NAV1: variants seen among roughly 807,000 people sequenced by gnomAD.
NAV1 encodes the protein pore membrane and/or filament interacting like protein 3.
Under a neutral mutation model 175.2 loss-of-function variants are expected in NAV1, and 18 were observed. The ratio of observed to expected loss-of-function variants is 0.10; its 90% confidence interval spans 0.07 to 0.15. NAV1 has a LOEUF of 0.15. Among genes scored for constraint, NAV1 ranks in the 10% least tolerant of loss-of-function variants. The probability of loss-of-function intolerance (pLI) is 1.00; values close to 1 mark genes in which losing one functional copy is unlikely to be tolerated. For synonymous variants in NAV1, 897 were observed against 978.7 expected (o/e 0.92, Z 1.56); for missense variants, 1,731 against 2,436.6 (o/e 0.71, Z 6.10).
At chr1:201,797,377 T>G (rs984009333) in intron 15 of NAV1, 1 of 152,242 alleles carries the variant, frequency 6.6e-6, no homozygotes, top group Non-Finnish European at 1.5e-5. Flanking sequence ...TCCATTCTTC[T>G]ATATGTCTAT....
chr1:201,741,141 A>G (rs890101338), intron 3 of NAV1, among the ~76,000 whole-genome samples: 7 of 152,156 alleles, frequency 4.6e-5, no homozygotes, highest in African/African-American at 1.7e-4. Flanking sequence ...CAGGGGCTCA[A>G]TTACAACTGT....
intron 15 of NAV1, chr1:201,797,334 T>C (rs1677519379): frequency 6.6e-6 from 1 of 152,260 alleles, no homozygotes; most frequent in Non-Finnish European, 1.5e-5. Context: ...TCCATTCTTC[T>C]ATATGAGTTT....
At chr1:201,615,855 T>C (rs941240683) in intron 2 of NAV1, among the ~76,000 whole-genome samples, 7 of 152,188 alleles carry the variant, frequency 4.6e-5, no homozygotes, top group Non-Finnish European at 8.8e-5. Flanking sequence ...GTGTGAAGCA[T>C]GGACAATGTT....
At chr1:201,819,948 T>C (rs1329823726) in exon 30 of NAV1, 4 of 1,612,708 alleles carry the variant, frequency 2.5e-6, no homozygotes, top group East Asian at 2.2e-5. Context: ...CGGCAATCAC[T>C]GTCACCCCCG....
At chr1:201,748,675 T>G (rs548560963) in intron 3 of NAV1, among the ~76,000 whole-genome samples, 1 of 152,324 alleles carries the variant, frequency 6.6e-6, no homozygotes, top group South Asian at 2.1e-4. Flanking sequence ...AAAAGCAGCT[T>G]TGATCCCCAG....
At chr1:201,592,047 T>G (rs1197996291) in intron 2 of NAV1, among the ~76,000 whole-genome samples, 1 of 152,176 alleles carries the variant, frequency 6.6e-6, no homozygotes, top group Non-Finnish European at 1.5e-5. Context: ...GAGGACAGTC[T>G]GCAGAGGTGT....
At chr1:201,602,253 G>A (rs997361846) in intron 2 of NAV1, among the ~76,000 whole-genome samples, 2 of 152,174 alleles carry the variant, frequency 1.3e-5, no homozygotes, top group Non-Finnish European at 2.9e-5. Flanking sequence ...CCCAGGGCAG[G>A]AGAAAAAGAA....
intron 1 of NAV1, among the ~76,000 whole-genome samples, chr1:201,670,580 T>TAGAGA (rs1247587117): frequency 1.0e-4 from 11 of 110,036 alleles, no homozygotes; most frequent in Non-Finnish European, 1.8e-4. Context: ...TGGTGATGGT[T>TAGAGA]TGATGATAGA....
chr1:201,810,389 C>T lies in NAV1; in HGVS notation c.4562-134C>T. ...TTTCAAAACTAGGGGTTAAGGGACT[C>T]TTATGGAACCATGGGGCAAGTGGCT... On this transcript the variant is annotated intron_variant, in intron 23 of 29. Transcript: ENST00000367296. The surrounding 1 kb of genome is among the most constrained non-coding windows in gnomAD (Gnocchi z 6.0). 1 of 894,780 alleles carries T rather than the reference C, an allele frequency of 1.1e-6. No homozygotes were observed. Among genetic ancestry groups the T allele is most frequent in the Non-Finnish European group, 1.7e-6 (1 of 591,836 alleles). 55.4% of individuals were successfully genotyped at this position (894,780 alleles called of 1,614,324 possible).
At chr1:201,582,094 T>C (rs1164389530) in intron 1 of NAV1, among the ~76,000 whole-genome samples, 4 of 152,028 alleles carry the variant, frequency 2.6e-5, no homozygotes. Flanking sequence ...AGACTCCGTC[T>C]CAAACAAACA....
intron 10 of NAV1, among the ~76,000 whole-genome samples, chr1:201,789,329 G>C (rs948050456): frequency 3.3e-5 from 5 of 152,134 alleles, no homozygotes; most frequent in African/African-American, 4.8e-5. Flanking sequence ...ACATCCCCCA[G>C]TGCTGAGAGG....
At chr1:201,592,123 G>A (rs1316598654) in intron 2 of NAV1, among the ~76,000 whole-genome samples, 2 of 152,170 alleles carry the variant, frequency 1.3e-5, no homozygotes, top group Non-Finnish European at 2.9e-5. Flanking sequence ...CTGTGGTGTG[G>A]GAAGCTGCCC....
intron 1 of NAV1, among the ~76,000 whole-genome samples, chr1:201,662,593 T>A (rs541380826): frequency 6.6e-6 from 1 of 152,306 alleles, no homozygotes; most frequent in Non-Finnish European, 1.5e-5. Flanking sequence ...TTACTCCTCA[T>A]CTGTAGAATG....
intron 3 of NAV1, among the ~76,000 whole-genome samples, chr1:201,728,465 G>A (rs768777819): frequency 5.9e-5 from 9 of 151,896 alleles, no homozygotes; most frequent in Non-Finnish European, 1.2e-4. Flanking sequence ...GTCGTGGCAG[G>A]CTCCTGTAAT....
intron 15 of NAV1, among the ~76,000 whole-genome samples, chr1:201,800,734 G>A (rs1431562807): frequency 6.7e-6 from 1 of 148,900 alleles, no homozygotes; most frequent in Non-Finnish European, 1.5e-5. Flanking sequence ...ATAAATATCT[G>A]TGTATATACA....
chr1:201,649,494 G>A (rs778833953), intron 1 of NAV1, 69 bp downstream of exon 5: 491 of 1,442,722 alleles, frequency 3.4e-4, no homozygotes, highest in Middle Eastern at 1.9e-3. Context: ...GAAGGTGTGG[G>A]GAAAGCGAAG....
At chr1:201,572,124 A>G (rs550630121) in intron 1 of NAV1, among the ~76,000 whole-genome samples, 2 of 152,156 alleles carry the variant, frequency 1.3e-5, no homozygotes, top group Non-Finnish European at 2.9e-5. Flanking sequence ...ATCACAGATT[A>G]AGGGAGAAGT....
intron 3 of NAV1, among the ~76,000 whole-genome samples, chr1:201,743,987 C>T (rs962433995): frequency 2.0e-5 from 3 of 152,128 alleles, no homozygotes; most frequent in Admixed American, 6.5e-5. Flanking sequence ...CAGATTCAAG[C>T]GATTCTCCTG....
intron 2 of NAV1, among the ~76,000 whole-genome samples, chr1:201,590,537 A>G (rs758557113): frequency 1.3e-5 from 2 of 152,200 alleles, no homozygotes; most frequent in African/African-American, 2.4e-5. Flanking sequence ...GTTTCCATCA[A>G]TCCTCTGCTT....
Sources: gnomAD v4.1 joint callset for allele counts (sites outside exome capture counted in the v4.1 genomes callset) on GRCh38, gnomAD v4.1.1 for gene constraint, Gnocchi (gnomAD v3.1) non-coding constraint, MANE v1.5 for transcripts, NCBI Gene and HGNC (gene_info 2026-07-23, HGNC 2026-07-21) for gene names.